Variants in NXNL2 observed in about 807,000 individuals in gnomAD.
NXNL2 encodes the protein nucleoredoxin like 2.
NXNL2 carries 7 observed loss-of-function variants against 11.1 expected under a neutral mutation model. The ratio of observed to expected loss-of-function variants is 0.63; its 90% confidence interval spans 0.36 to 1.18. The LOEUF (loss-of-function observed/expected upper bound fraction) is 1.18. NXNL2 is among the 50% of genes most tolerant of loss of function. NXNL2 has a pLI of 0.02. For missense variants in NXNL2, 233 were observed against 217.7 expected, an observed-to-expected ratio of 1.07 and a Z score of -0.44; for synonymous variants, 109 against 101.8, an observed-to-expected ratio of 1.07 and a Z score of -0.42.
downstream of NXNL2, among the ~76,000 whole-genome samples, chr9:88,576,414 GGGCCA>G (rs1487497569): frequency 5.3e-5 from 8 of 152,110 alleles, no homozygotes; most frequent in Admixed American, 1.3e-4. Flanking sequence ...GCTCCCACGT[GGGCCA>G]GGTTTCCTCG....
downstream of NXNL2, among the ~76,000 whole-genome samples, chr9:88,548,743 A>T (rs1047810914): frequency 4.7e-5 from 7 of 150,132 alleles, no homozygotes; most frequent in Non-Finnish European, 8.9e-5. Flanking sequence ...TGTGTATTTT[A>T]TTCTATGTAC....
chr9:88,584,493 T>A (rs35122905), downstream of NXNL2, among the ~76,000 whole-genome samples: 2,643 of 152,290 alleles, frequency 0.017, 37 homozygotes, highest in Middle Eastern at 0.034. Flanking sequence ...GAGAAATAAA[T>A]GTCTGTTGTT....
intron 1 of NXNL2, among the ~76,000 whole-genome samples, chr9:88,538,062 T>A (rs999626011): frequency 6.6e-6 from 1 of 152,122 alleles, no homozygotes; most frequent in Non-Finnish European, 1.5e-5. Flanking sequence ...ATGACAACAT[T>A]CTCTCCTCCA....
intron 1 of NXNL2, among the ~76,000 whole-genome samples, chr9:88,544,120 G>A (rs575642408): frequency 3.9e-5 from 6 of 152,308 alleles, no homozygotes; most frequent in East Asian, 1.9e-4. Context: ...GCAGTGAGCC[G>A]AGATCGCGCC....
intron 1 of NXNL2, among the ~76,000 whole-genome samples, chr9:88,555,363 A>G (rs574005275): frequency 6.6e-6 from 1 of 152,308 alleles, no homozygotes; most frequent in African/African-American, 2.4e-5. Context: ...TTTTTGGACC[A>G]TATAGGGTAA....
At position 88,564,268 on chromosome 9, in the gene NXNL2, GTCTA is replaced by G. The variant is rs199555225; in HGVS notation, c.303-6805_303-6802del. On this transcript the variant is annotated intron_variant, in intron 1 of 2. Transcript: ENST00000375855. ...TATCTATCTATCTATCTATCTATCT[GTCTA>G]TCTATCTATCTATTATCTATCTATC... Among the ~76,000 whole-genome samples the G allele has an allele frequency of 3.5e-3, 472 of 136,240 alleles. 6 individuals carry two copies. The highest frequency in any genetic ancestry group is 0.031 in the East Asian group (149 of 4,880). The allele number at this position is 136,240 out of a possible 152,430, so 89.4% of individuals were successfully genotyped here. A position where few individuals can be genotyped will look rare whatever the true frequency, so the allele number is the denominator to read the frequency against.
intron 1 of NXNL2, among the ~76,000 whole-genome samples, chr9:88,563,629 T>C (rs1224180208): frequency 1.3e-5 from 2 of 152,182 alleles, no homozygotes; most frequent in African/African-American, 4.8e-5. Context: ...TCATGTGGTG[T>C]TGCTGCTTCT....
At chr9:88,538,101 G>C (rs1244833664) in intron 1 of NXNL2, among the ~76,000 whole-genome samples, 1 of 152,194 alleles carries the variant, frequency 6.6e-6, no homozygotes, top group African/African-American at 2.4e-5. Flanking sequence ...TGTGGACACA[G>C]CTCAGGGCCC....
chr9:88,580,054 C>T (rs1221902423), downstream of NXNL2, among the ~76,000 whole-genome samples: 3 of 151,740 alleles, frequency 2.0e-5, no homozygotes, highest in Admixed American at 6.6e-5. Flanking sequence ...GCAGGAGAAT[C>T]GCTTGAACTG....
downstream of NXNL2, among the ~76,000 whole-genome samples, chr9:88,548,525 A>T (rs140339116): frequency 2.5e-3 from 354 of 144,094 alleles, 6 homozygotes; most frequent in East Asian, 0.051. Flanking sequence ...CTCTACTAAA[A>T]ATACAAAAAA....
downstream of NXNL2, among the ~76,000 whole-genome samples, chr9:88,548,339 CAAAAAAAAAAAAAAAAAAAAAAAA>C (rs60796870): frequency 5.2e-3 from 161 of 31,068 alleles, 4 homozygotes; most frequent in South Asian, 0.038. Context: ...GACTTTTTCT[CAAAAAAAAAAAAAAAAAAAAAAAA>C]AAAAAAAAAA....
rs1017702688 is a variant in NXNL2, at chr9:88,562,863, G to A, written c.303-8224G>A. Among the ~76,000 whole-genome samples, 3 of 152,206 alleles carry A rather than the reference G, an allele frequency of 2.0e-5. No individual in the cohort carries two copies. In the East Asian group the frequency reaches 5.8e-4, roughly 29 times the overall value. Reference sequence around the variant, plus strand: ...CCAACACTTCGGGAGGCCAAGGCAGGTGGATCACAAGGTCAAGAGATCGAG... The same window carrying A: ...CCAACACTTCGGGAGGCCAAGGCAGATGGATCACAAGGTCAAGAGATCGAG... On this transcript the variant is annotated intron_variant, in intron 1 of 2. Coordinates refer to the NXNL2 transcript ENST00000375855.
intron 1 of NXNL2, among the ~76,000 whole-genome samples, chr9:88,537,474 G>T (rs1384795914): frequency 6.6e-6 from 1 of 152,212 alleles, no homozygotes; most frequent in African/African-American, 2.4e-5. Flanking sequence ...TCTCAGCCTG[G>T]CTGGCCTGGG....
At chr9:88,573,075 G>A (rs1400898294) in intron 2 of NXNL2, among the ~76,000 whole-genome samples, 2 of 152,166 alleles carry the variant, frequency 1.3e-5, no homozygotes, top group Non-Finnish European at 2.9e-5. Context: ...CCACCTGAGG[G>A]GCAATTACTA....
chr9:88,571,904 C>T (rs1354486303), intron 2 of NXNL2, among the ~76,000 whole-genome samples: 1 of 152,122 alleles, frequency 6.6e-6, no homozygotes, highest in Non-Finnish European at 1.5e-5. Flanking sequence ...TTCAGAGAAA[C>T]ATTTTCACCA....
intron 1 of NXNL2, chr9:88,571,043 C>A: frequency 2.5e-6 from 1 of 404,910 alleles, no homozygotes; most frequent in Non-Finnish European, 4.8e-6. Flanking sequence ...GGTGCCAGGT[C>A]CCCAATACTG....
At chr9:88,566,973 CATCTATCTATCTATCTATCT>C (rs371496393) in intron 1 of NXNL2, among the ~76,000 whole-genome samples, 15 of 123,472 alleles carry the variant, frequency 1.2e-4, no homozygotes, top group African/African-American at 2.1e-4. Context: ...TATTATCTAT[CATCTATCTATCTATCTATCT>C]ATCTATCTAT....
chr9:88,541,128 G>A (rs1829751759), intron 1 of NXNL2, among the ~76,000 whole-genome samples: 1 of 138,664 alleles, frequency 7.2e-6, no homozygotes, highest in South Asian at 2.3e-4. Flanking sequence ...TTTATTTTGT[G>A]GAGATAGGGT....
intron 1 of NXNL2, among the ~76,000 whole-genome samples, chr9:88,543,549 A>G (rs1479044062): frequency 6.6e-6 from 1 of 152,184 alleles, no homozygotes; most frequent in East Asian, 1.9e-4. Flanking sequence ...TACAGGTGTC[A>G]GCAACCACAC....
Sources: gnomAD v4.1 joint callset for allele counts (sites outside exome capture counted in the v4.1 genomes callset) on GRCh38, gnomAD v4.1.1 for gene constraint, MANE v1.5 for transcripts, NCBI Gene and HGNC (gene_info 2026-07-23, HGNC 2026-07-21) for gene names.